Variants in FARS2 observed in about 807,000 individuals in gnomAD.
FARS2 encodes phenylalanyl-tRNA synthetase 2, mitochondrial, also known as phenylalanine--tRNA ligase, mitochondrial.
FARS2 carries 40 observed loss-of-function variants against 46.4 expected under a neutral mutation model. That is an observed-to-expected ratio of 0.86 (90% CI 0.67 to 1.12). The LOEUF (loss-of-function observed/expected upper bound fraction) is 1.12. Ranked by LOEUF, FARS2 falls within the 50% of genes most tolerant of loss-of-function variation. The probability of loss-of-function intolerance (pLI) is 0.00; values close to 1 mark genes in which losing one functional copy is unlikely to be tolerated. For synonymous variants in FARS2, 234 were observed against 214.9 expected, an observed-to-expected ratio of 1.09 and a Z score of -0.78; for missense variants, 513 against 567.9, an observed-to-expected ratio of 0.90 and a Z score of 0.98.
chr6:5,365,421 C>T (rs909486221), intron 1 of FARS2, among the ~76,000 whole-genome samples: 23 of 142,670 alleles, frequency 1.6e-4, no homozygotes, highest in Admixed American at 2.9e-4. Flanking sequence ...AGCCTGAACT[C>T]CTGGGTTCAT....
At chr6:5,322,302 T>TA (rs1473986673) in intron 1 of FARS2, among the ~76,000 whole-genome samples, 4 of 152,242 alleles carry the variant, frequency 2.6e-5, no homozygotes, top group Admixed American at 2.0e-4. Flanking sequence ...ACTGGATAGT[T>TA]AAAAAAGTTA....
chr6:5,324,556 T>C (rs1262619571), intron 1 of FARS2, among the ~76,000 whole-genome samples: 1 of 151,744 alleles, frequency 6.6e-6, no homozygotes, highest in African/African-American at 2.4e-5. Flanking sequence ...ATTTTCTCAC[T>C]TATTGGTCTG....
intron 5 of FARS2, among the ~76,000 whole-genome samples, chr6:5,607,488 A>G (rs968425096): frequency 6.6e-6 from 1 of 152,140 alleles, no homozygotes; most frequent in African/African-American, 2.4e-5. Flanking sequence ...TGGTATAAAT[A>G]AAATATATTG....
At chr6:5,645,189 T>C (rs1250868487) in intron 6 of FARS2, among the ~76,000 whole-genome samples, 1 of 152,164 alleles carries the variant, frequency 6.6e-6, no homozygotes, top group Non-Finnish European at 1.5e-5. Context: ...AGAATGACAG[T>C]CATTCTCCCT....
intron 1 of FARS2, among the ~76,000 whole-genome samples, chr6:5,274,494 C>A (rs1055103507): frequency 6.6e-6 from 1 of 152,148 alleles, no homozygotes; most frequent in African/African-American, 2.4e-5. Flanking sequence ...GTCATCTTCT[C>A]CCCTGCTTGG....
intron 1 of FARS2, among the ~76,000 whole-genome samples, chr6:5,314,846 T>G (rs995190130): frequency 1.3e-5 from 2 of 152,214 alleles, no homozygotes; most frequent in African/African-American, 4.8e-5. Context: ...GAATTGGAAA[T>G]GTATCTCACT....
chr6:5,533,674 G>A (rs1047897955), intron 4 of FARS2, among the ~76,000 whole-genome samples: 1 of 152,218 alleles, frequency 6.6e-6, no homozygotes, highest in Non-Finnish European at 1.5e-5. Context: ...AAAGAGGGCA[G>A]AGTTGAGGGG....
intron 5 of FARS2, among the ~76,000 whole-genome samples, chr6:5,584,078 C>T (rs1773479145): frequency 6.7e-6 from 1 of 149,656 alleles, no homozygotes; most frequent in Admixed American, 6.8e-5. Flanking sequence ...AGCTAGCTCC[C>T]CCCGACATTC....
At chr6:5,423,820 G>A (rs979917401) in intron 3 of FARS2, among the ~76,000 whole-genome samples, 16 of 152,296 alleles carry the variant, frequency 1.1e-4, no homozygotes, top group African/African-American at 3.9e-4. Context: ...AGTCACAGTG[G>A]TGGCATTGCC....
chr6:5,607,167 CAAG>C (rs1291341591), intron 5 of FARS2, among the ~76,000 whole-genome samples: 1 of 152,148 alleles, frequency 6.6e-6, no homozygotes, highest in East Asian at 1.9e-4. Context: ...AAACTCTAGA[CAAG>C]AATAACCAGG....
intron 2 of FARS2, among the ~76,000 whole-genome samples, chr6:5,373,490 T>G (rs1253625087): frequency 6.6e-6 from 1 of 152,048 alleles, no homozygotes; most frequent in Non-Finnish European, 1.5e-5. Flanking sequence ...CTGTGGGAAA[T>G]TGTGTAGCAG....
chr6:5,527,874 A>G (rs1769566972), intron 4 of FARS2, among the ~76,000 whole-genome samples: 1 of 152,238 alleles, frequency 6.6e-6, no homozygotes, highest in Non-Finnish European at 1.5e-5. Context: ...TCTGCTTAAC[A>G]ATACTTAATT....
At chr6:5,699,569 G>A (rs2005970) in intron 6 of FARS2, among the ~76,000 whole-genome samples, 59,629 of 150,650 alleles carry the variant, frequency 0.4, 13,658 homozygotes, top group Non-Finnish European at 0.52. Flanking sequence ...GTGCAGTGGC[G>A]CGATCTCGGC....
At chr6:5,563,782 C>T (rs889670064) in intron 5 of FARS2, among the ~76,000 whole-genome samples, 2 of 152,050 alleles carry the variant, frequency 1.3e-5, no homozygotes, top group Admixed American at 6.5e-5. Flanking sequence ...AATACCAATA[C>T]AAGATATATA....
chr6:5,392,751 C>T (rs1375373634), intron 2 of FARS2, among the ~76,000 whole-genome samples: 1,435 of 139,512 alleles, frequency 0.01, 29 homozygotes, highest in African/African-American at 0.041. Context: ...CACACACACA[C>T]ACACACACAC....
intron 1 of FARS2, among the ~76,000 whole-genome samples, chr6:5,269,791 T>TA (rs1160504322): frequency 6.6e-6 from 1 of 152,240 alleles, no homozygotes; most frequent in Non-Finnish European, 1.5e-5. Flanking sequence ...GGTCGATACA[T>TA]ATCGTTGATA....
chr6:5,725,818 C>T (rs1270934746), intron 6 of FARS2, among the ~76,000 whole-genome samples: 1 of 152,122 alleles, frequency 6.6e-6, no homozygotes, highest in Non-Finnish European at 1.5e-5. Flanking sequence ...ACCTGTAATC[C>T]CAGCTACTCG....
upstream of FARS2, among the ~76,000 whole-genome samples, chr6:5,256,304 A>G (rs924250780): frequency 1.3e-5 from 2 of 151,744 alleles, no homozygotes; most frequent in East Asian, 3.9e-4. Context: ...AGCCTGGCCA[A>G]TATGGTGAAA....
At chr6:5,539,211 CTTT>C (rs1260332909) in intron 4 of FARS2, among the ~76,000 whole-genome samples, 1 of 143,446 alleles carries the variant, frequency 7.0e-6, no homozygotes, top group African/African-American at 2.6e-5. Context: ...GTGAACATTT[CTTT>C]TTTTTTTTTG....
Sources: gnomAD v4.1 joint callset for allele counts (sites outside exome capture counted in the v4.1 genomes callset) on GRCh38, gnomAD v4.1.1 for gene constraint, MANE v1.5 for transcripts, NCBI Gene and HGNC (gene_info 2026-07-23, HGNC 2026-07-21) for gene names.